SEPTIN8: variants seen among roughly 807,000 people sequenced by gnomAD.
SEPTIN8 encodes the protein septin-8.
SEPTIN8 carries 22 observed loss-of-function variants against 53.1 expected under a neutral mutation model. That is an observed-to-expected ratio of 0.41 (90% confidence interval 0.30 to 0.59). The LOEUF is 0.59. Ranked by LOEUF, SEPTIN8 falls within the 20% of genes least tolerant of loss-of-function variation. SEPTIN8 has a pLI of 0.24. For missense variants in SEPTIN8, 536 were observed against 638.7 expected (o/e 0.84, Z 1.73); for synonymous variants, 228 against 248.4 (o/e 0.92, Z 0.77).
At position 132,751,777 on chromosome 5, in the gene SEPTIN8, T is replaced by A; in HGVS notation, c.*239A>T. On this transcript the variant is annotated 3_prime_UTR_variant, in exon 10 of 10. Coordinates refer to ENST00000378719, the MANE Select transcript of SEPTIN8 (RefSeq NM_001098811.2). ...CTTTTTTTTTTTTTTGGTCCCGGAG[T>A]GGAAGCTCAGCTTGGCCACAGGATG... 1.6e-6 allele frequency: 1 copy of A among 633,134 alleles called. No homozygotes were observed. Among genetic ancestry groups the A allele is most frequent in the Non-Finnish European group, 2.6e-6 (1 of 383,178 alleles). 39.2% of individuals were successfully genotyped at this position (633,134 alleles called of 1,614,324 possible). A position where few individuals can be genotyped will look rare whatever the true frequency, so the allele number is the denominator to read the frequency against.
chr5:132,762,592 G>A lies in SEPTIN8; in HGVS notation c.588C>T (p.Leu196=), dbSNP rs750067499. 3.1e-6 allele frequency: 5 copies of A among 1,614,130 alleles called. No homozygotes were observed. The highest frequency in any genetic ancestry group is 4.2e-6 in the Non-Finnish European group (5 of 1,180,042). ...CCATGATCTTGATCTTGAACTTGTG[G>A]AGCTCGCTCTTGGAGATGGTGTCAG... ...AKADTISKSE[L]HKFKIKIMGE... is the part of the protein sequence containing the mutation. Residue 196 remains leucine, a synonymous_variant, in exon 5 of 10, where the codon CTC becomes CTT. Coordinates refer to ENST00000378719, the MANE Select transcript of SEPTIN8 (RefSeq NM_001098811.2).
chr5:132,763,865 A>T lies in SEPTIN8; in HGVS notation c.375T>A (p.Asp125Glu). The part of the protein sequence containing the change: ...ESYRPIVDYI[D>E]AQFENYLQEE... ...CCTGCAGATAATTTTCAAACTGCGC[A>T]TCGATGTAGTCAACTATGGGCCTGT... is the stretch of plus-strand genomic sequence containing the variant. The change falls in exon 4 of 10, where the codon GAT (aspartate) becomes GAA (glutamate). Residue 125 changes from aspartate (D) to glutamate (E), a missense_variant. Physicochemically the swap from Asp to Glu is conservative, Grantham distance 45. Coordinates refer to ENST00000378719, the MANE Select transcript of SEPTIN8 (RefSeq NM_001098811.2). The T allele has an allele frequency of 6.3e-7, 1 of 1,593,274 alleles. No homozygotes were observed. Among genetic ancestry groups the T allele is most frequent in the South Asian group, 1.2e-5 (1 of 86,728 alleles).
chr5:132,777,978 A>G, upstream of SEPTIN8: 1 of 985,460 alleles, frequency 1.0e-6, no homozygotes, highest in Non-Finnish European at 1.2e-6. This position sits in a 1 kb window ranked among gnomAD's most constrained non-coding sequence, Gnocchi z 4.1. Flanking sequence ...GCTTGGGACA[A>G]CGTCTTAATG....
rs1172375028 is a variant in SEPTIN8, at chr5:132,752,155, G to A, written c.1313C>T (p.Pro438Leu). The change falls in exon 10 of 10, where the codon CCG becomes CTG. Residue 438 changes from proline (P) to leucine (L), a missense_variant. This residue lies in a region of SEPTIN8 where 133 missense variants were observed against 157.4 expected (regional missense o/e 0.84). Coordinates refer to ENST00000378719, the MANE Select transcript of SEPTIN8 (RefSeq NM_001098811.2). Reference sequence around the variant, plus strand: ...CTTAGAGCTGGAGAGGCTCATGCCCGGCTGGTGTGCTCCTATATCTGATCT... The same window carrying A: ...CTTAGAGCTGGAGAGGCTCATGCCCAGCTGGTGTGCTCCTATATCTGATCT... ...KNRSDIGAHQPGMSLSSSKVM... is the reference protein window; with the variant it reads ...KNRSDIGAHQLGMSLSSSKVM... 7.5e-6 allele frequency: 12 copies of A among 1,591,962 alleles called. No homozygotes were observed. Among genetic ancestry groups the A allele is most frequent in the African/African-American group, 2.7e-5 (2 of 74,872 alleles).
Position 132,762,561 on chromosome 5 carries a change from A to G in SEPTIN8, c.619T>C (p.Leu207=). ...TAGATCTGGACCCCGTTGCTGACCA[A>G]CTCGCCCATGATCTTGATCTTGAAC... ...HKFKIKIMGE[L]VSNGVQIYQF... is the part of the protein sequence containing the mutation. Residue 207 remains leucine, a synonymous_variant, in exon 5 of 10, where the codon TTG becomes CTG. Transcript: ENST00000378719. 2 of 1,614,016 alleles carry G rather than the reference A, an allele frequency of 1.2e-6. No homozygotes were observed. The highest frequency in any genetic ancestry group is 2.2e-5 in the East Asian group (1 of 44,874).
chr5:132,759,425 C>A (rs1353001114), intron 9 of SEPTIN8, among the ~76,000 whole-genome samples: 1 of 152,202 alleles, frequency 6.6e-6, no homozygotes, highest in Non-Finnish European at 1.5e-5. Flanking sequence ...CCTGCCTGCA[C>A]CCACCTTCAC....
chr5:132,764,470 G>T, intron 2 of SEPTIN8, 51 bp from the exon 3 acceptor site: 1 of 1,507,508 alleles, frequency 6.6e-7, no homozygotes. Flanking sequence ...GGCTGGAAAT[G>T]GGCTGTCCTT....
At chr5:132,752,975 T>A in intron 9 of SEPTIN8, 1 of 1,610,242 alleles carries the variant, frequency 6.2e-7, no homozygotes, top group South Asian at 1.1e-5. Flanking sequence ...AACTAGCCCC[T>A]CTGCCTCCAC....
chr5:132,758,197 T>A, intron 9 of SEPTIN8: 1 of 1,163,224 alleles, frequency 8.6e-7, no homozygotes. Context: ...AGGCATACTT[T>A]ATACATAAGA....
chr5:132,755,600 AGAGGAGTT>A (rs1755253762), intron 9 of SEPTIN8, among the ~76,000 whole-genome samples: 1 of 152,236 alleles, frequency 6.6e-6, no homozygotes, highest in East Asian at 1.9e-4. Context: ...GATGAGGATT[AGAGGAGTT>A]AATGCATGTA....
chr5:132,757,188 AAAG>A (rs1755421414), intron 9 of SEPTIN8: 1 of 976,750 alleles, frequency 1.0e-6, no homozygotes, highest in African/African-American at 1.8e-5. Flanking sequence ...TGTTTTTCTT[AAAG>A]AAGTCTTTCT....
chr5:132,756,905 A>G, intron 9 of SEPTIN8: 6 of 985,468 alleles, frequency 6.1e-6, no homozygotes, highest in Non-Finnish European at 7.2e-6. Flanking sequence ...CTGCTGGGTC[A>G]CCAGGCCTCA....
chr5:132,777,476 G>A, upstream of SEPTIN8: 3 of 978,296 alleles, frequency 3.1e-6, no homozygotes, highest in Non-Finnish European at 3.6e-6. The surrounding 1 kb of genome is among the most constrained non-coding windows in gnomAD (Gnocchi z 4.1). Flanking sequence ...GGCAGTGTCG[G>A]GGGGCTCGGG....
At chr5:132,775,318 C>A (rs1045390255) in intron 1 of SEPTIN8, among the ~76,000 whole-genome samples, 15 of 152,196 alleles carry the variant, frequency 9.9e-5, no homozygotes, top group Non-Finnish European at 1.5e-5. Flanking sequence ...ATGAACAGGG[C>A]AAATGCATCC....
At chr5:132,756,201 A>C in intron 9 of SEPTIN8, 1 of 985,444 alleles carries the variant, frequency 1.0e-6, no homozygotes, top group Non-Finnish European at 1.2e-6. Context: ...GCCCACATTT[A>C]CACATACACA....
In SEPTIN8 at chr5:132,773,429, T is replaced by A. The variant is rs1757505257; in HGVS notation, c.30+3679A>T. ...TAGCTGGACTTGAGCCACAGAGACA[T>A]TCGTGGTAGTTACTGCCCCAAATAT... On this transcript the variant is annotated intron_variant, in intron 1 of 9. Coordinates refer to ENST00000378719, the MANE Select transcript of SEPTIN8 (RefSeq NM_001098811.2). The surrounding 1 kb of genome is among the most constrained non-coding windows in gnomAD (Gnocchi z 4.2). Among the ~76,000 whole-genome samples, 1 of 152,180 alleles carries A rather than the reference T, an allele frequency of 6.6e-6. No individual in the cohort carries two copies. The highest frequency in any genetic ancestry group is 6.5e-5 in the Admixed American group (1 of 15,282).
Position 132,765,447 on chromosome 5 carries a change from G to C in SEPTIN8, c.113C>G (p.Ser38Trp), listed in dbSNP as rs199574441. Residue 38 changes from serine to tryptophan, a missense_variant, in exon 2 of 10, where the codon TCG becomes TGG. Ser to Trp is a radical substitution (Grantham distance 177, BLOSUM62 -3). Coordinates refer to ENST00000378719, the MANE Select transcript of SEPTIN8 (RefSeq NM_001098811.2). ...GTTGAAGCTGAAGCCCTGAGTGACC[G>C]ACTTGCTGACCAGCTGGTCGGGGAG... ...DSLPDQLVSK[S>W]VTQGFSFNIL... The C allele has an allele frequency of 6.2e-7, 1 of 1,613,570 alleles. No homozygotes were observed. Among genetic ancestry groups the C allele is most frequent in the South Asian group, 1.1e-5 (1 of 91,058 alleles).
Position 132,751,818 on chromosome 5 carries a change from G to A in SEPTIN8, c.*198C>T. The A allele has an allele frequency of 1.1e-6, 1 of 943,626 alleles. No individual in the cohort carries two copies. 58.5% of individuals were successfully genotyped at this position (943,626 alleles called of 1,614,324 possible). The stretch of plus-strand genomic sequence containing the variant: ...CCACAGGATGGGCATTAAGCCTCAA[G>A]CCCCTTACGGAGCCATGGATAGGAA... On this transcript the variant is annotated 3_prime_UTR_variant, in exon 10 of 10. Transcript: ENST00000378719.
At position 132,751,452 on chromosome 5, in the gene SEPTIN8, T is replaced by C. The variant is rs898424775; in HGVS notation, c.*564A>G. 1 of 182,046 alleles carries C rather than the reference T, an allele frequency of 5.5e-6. No homozygotes were observed. Among genetic ancestry groups the C allele is most frequent in the Non-Finnish European group, 1.1e-5 (1 of 87,342 alleles). The allele number at this position is 182,046 out of a possible 1,614,324, so 11.3% of individuals were successfully genotyped here. On this transcript the variant is annotated 3_prime_UTR_variant, in exon 10 of 10. Transcript: ENST00000378719. ...ATATCATACATTAGTTTGTATTTGT[T>C]TTAGTTGGGGGAATGATGGTCATCC...
Sources: allele counts gnomAD v4.1 joint callset (sites outside exome capture counted in the v4.1 genomes callset), GRCh38; gene constraint gnomAD v4.1.1; regional missense constraint gnomAD v4.1.1; non-coding constraint Gnocchi (gnomAD v3.1); transcripts MANE v1.5; gene names NCBI Gene and HGNC (gene_info 2026-07-23, HGNC 2026-07-21).